The following SORCS2 variants were observed in gnomAD, a reference collection of about 807,000 sequenced individuals.
The protein encoded by SORCS2 is VPS10 domain-containing receptor SorCS2.
In SORCS2, 100 loss-of-function variants were observed where a neutral mutation model predicts 141.6. The observed-to-expected ratio is 0.71, with a 90% CI of 0.60 to 0.83. The LOEUF is 0.83. Ranked by LOEUF, SORCS2 falls within the 40% of genes least tolerant of loss-of-function variation. The pLI, the probability that SORCS2 is intolerant of heterozygous loss-of-function variation, is 0.00. For synonymous variants in SORCS2, 789 were observed against 676.9 expected, an observed-to-expected ratio of 1.17 and a Z score of -2.57; for missense variants, 1,646 against 1,560.2, an observed-to-expected ratio of 1.05 and a Z score of -0.93.
chr4:7,678,950 CA>C (rs1393005222), intron 9 of SORCS2, among the ~76,000 whole-genome samples: 1 of 152,170 alleles, frequency 6.6e-6, no homozygotes, highest in Admixed American at 6.6e-5. Flanking sequence ...TTAAGGCTGT[CA>C]TTCCTATTAA....
intron 1 of SORCS2, among the ~76,000 whole-genome samples, chr4:7,278,085 G>A (rs1441862333): frequency 6.6e-6 from 1 of 152,208 alleles, no homozygotes; most frequent in African/African-American, 2.4e-5. Flanking sequence ...AGATTGCAGA[G>A]CAGCAGCAGA....
intron 3 of SORCS2, among the ~76,000 whole-genome samples, chr4:7,619,016 T>C (rs917816872): frequency 2.0e-5 from 3 of 152,136 alleles, no homozygotes; most frequent in Non-Finnish European, 4.4e-5. Context: ...TAGATGCTTT[T>C]CTCTGAAAAG....
chr4:7,434,737 T>A, intron 2 of SORCS2: 10 of 1,613,100 alleles, frequency 6.2e-6, no homozygotes, highest in Non-Finnish European at 8.5e-6. Flanking sequence ...CCCTTGGCAG[T>A]ACCCCACAGC....
At chr4:7,671,699 T>C (rs1178328693) in intron 8 of SORCS2, among the ~76,000 whole-genome samples, 1 of 152,078 alleles carries the variant, frequency 6.6e-6, no homozygotes, top group Non-Finnish European at 1.5e-5. Flanking sequence ...GTGAACGCAG[T>C]CTATGGGAGC....
chr4:7,639,200 A>C (rs1720473041), intron 4 of SORCS2, among the ~76,000 whole-genome samples: 2 of 152,154 alleles, frequency 1.3e-5, no homozygotes, highest in Admixed American at 1.3e-4. Flanking sequence ...AGCAACAGAA[A>C]CTTATTCTGT....
chr4:7,417,771 C>T (rs1420380477), intron 2 of SORCS2, among the ~76,000 whole-genome samples: 1 of 152,202 alleles, frequency 6.6e-6, no homozygotes, highest in Non-Finnish European at 1.5e-5. Flanking sequence ...ATGCAGAGAG[C>T]TGAGTCGCCC....
chr4:7,535,302 C>T (rs6855453), intron 3 of SORCS2, among the ~76,000 whole-genome samples: 91,871 of 152,172 alleles, frequency 0.6, 28,636 homozygotes, highest in East Asian at 0.98. Flanking sequence ...ACTGCTGTCT[C>T]GGAGGCAGGC....
intron 12 of SORCS2, among the ~76,000 whole-genome samples, chr4:7,701,507 C>T (rs1725080238): frequency 6.6e-6 from 1 of 152,168 alleles, no homozygotes; most frequent in Non-Finnish European, 1.5e-5. Flanking sequence ...GGAAAGGAAG[C>T]AAGGTCAAGG....
intron 2 of SORCS2, among the ~76,000 whole-genome samples, chr4:7,459,259 A>G (rs1729133824): frequency 1.3e-5 from 2 of 152,060 alleles, no homozygotes; most frequent in South Asian, 4.1e-4. Flanking sequence ...ACTATAGAAG[A>G]GGGAGGATCC....
chr4:7,202,626 G>A (rs908781678), intron 1 of SORCS2, among the ~76,000 whole-genome samples: 1 of 152,158 alleles, frequency 6.6e-6, no homozygotes, highest in African/African-American at 2.4e-5. Flanking sequence ...ATTTCCTGAC[G>A]CTCAGATAAA....
chr4:7,444,932 G>A (rs1462107762), intron 2 of SORCS2, among the ~76,000 whole-genome samples: 2 of 152,156 alleles, frequency 1.3e-5, no homozygotes, highest in Non-Finnish European at 2.9e-5. Context: ...CCACTTGGAC[G>A]ATGAACCGGA....
intron 1 of SORCS2, among the ~76,000 whole-genome samples, chr4:7,305,258 G>C (rs548886211): frequency 4.1e-4 from 62 of 152,098 alleles, no homozygotes; most frequent in South Asian, 1.7e-3. Flanking sequence ...GTCTCGATCT[G>C]CTGACCTCGT....
At position 7,560,538 on chromosome 4, in the gene SORCS2, T is replaced by C. The variant is rs1714460149; in HGVS notation, c.648+28909T>C. Reference sequence around the variant, plus strand: ...TGGAAGAGCATAGGAGAAGTGCTCGTAGGGTGTCTGAGACTGTGCCAGCCC... The same window carrying C: ...TGGAAGAGCATAGGAGAAGTGCTCGCAGGGTGTCTGAGACTGTGCCAGCCC... On this transcript the variant is annotated intron_variant, in intron 3 of 26. Coordinates refer to ENST00000507866, the MANE Select transcript of SORCS2 (RefSeq NM_020777.3). Among the ~76,000 whole-genome samples the C allele has an allele frequency of 2.0e-5, 3 of 152,112 alleles. No individual in the cohort carries two copies. In the South Asian group the frequency reaches 6.2e-4, roughly 32 times the overall value.
intron 1 of SORCS2, among the ~76,000 whole-genome samples, chr4:7,270,904 C>T (rs1201465149): frequency 6.6e-6 from 1 of 152,242 alleles, no homozygotes; most frequent in Non-Finnish European, 1.5e-5. Context: ...GTTTAGGATA[C>T]TTACGTTCTC....
intron 2 of SORCS2, among the ~76,000 whole-genome samples, chr4:7,498,595 C>T (rs1316261968): frequency 6.6e-6 from 1 of 152,224 alleles, no homozygotes; most frequent in Admixed American, 6.5e-5. Flanking sequence ...TGAGGCCCCA[C>T]CTCCTAGGGA....
chr4:7,493,913 G>A (rs1238722468), intron 2 of SORCS2, among the ~76,000 whole-genome samples: 1 of 152,208 alleles, frequency 6.6e-6, no homozygotes, highest in African/African-American at 2.4e-5. Flanking sequence ...GTAAAAGTGT[G>A]TTAACACTGG....
At chr4:7,324,802 C>T (rs533570160) in intron 1 of SORCS2, among the ~76,000 whole-genome samples, 4 of 152,352 alleles carry the variant, frequency 2.6e-5, no homozygotes, top group South Asian at 4.1e-4. Context: ...ACACAAAACC[C>T]ATCACGTGTA....
At chr4:7,671,832 T>C (rs1204406160) in intron 8 of SORCS2, among the ~76,000 whole-genome samples, 1 of 152,154 alleles carries the variant, frequency 6.6e-6, no homozygotes, top group Non-Finnish European at 1.5e-5. Context: ...TCAATTTATA[T>C]TGATGAAAGA....
intron 14 of SORCS2, among the ~76,000 whole-genome samples, chr4:7,706,187 CCG>C (rs2109021990): frequency 8.2e-6 from 1 of 122,130 alleles, no homozygotes; most frequent in East Asian, 2.6e-4. Context: ...AGGCTGGGCT[CCG>C]TCTGGGCAGG....
Sources: allele counts gnomAD v4.1 joint callset (sites outside exome capture counted in the v4.1 genomes callset), GRCh38; gene constraint gnomAD v4.1.1; transcripts MANE v1.5; gene names NCBI Gene and HGNC (gene_info 2026-07-23, HGNC 2026-07-21).